KRT86: variants seen among roughly 807,000 people sequenced by gnomAD.
KRT86 encodes the protein keratin, type II cuticular Hb6.
A neutral mutation model predicts 41.2 loss-of-function variants in KRT86; 30 were observed. The ratio of observed to expected loss-of-function variants is 0.73; its 90% CI spans 0.54 to 0.99. The LOEUF is 0.99. KRT86 is among the 50% of genes least tolerant of loss of function. The pLI, the probability that KRT86 is intolerant of heterozygous loss-of-function variation, is 0.00. For synonymous variants in KRT86, 238 were observed against 238.1 expected, an observed-to-expected ratio of 1.00 and a Z score of 0.00; for missense variants, 561 against 571.4, an observed-to-expected ratio of 0.98 and a Z score of 0.19.
intron 2 of KRT86, among the ~76,000 whole-genome samples, chr12:52,276,611 T>C (rs1408589914): frequency 6.6e-6 from 1 of 152,166 alleles, no homozygotes. Flanking sequence ...TGCTGGTGAT[T>C]TCAGGAAATG....
At chr12:52,276,562 T>C (rs932164660) in intron 2 of KRT86, among the ~76,000 whole-genome samples, 3 of 145,984 alleles carry the variant, frequency 2.1e-5, no homozygotes, top group African/African-American at 7.4e-5. Context: ...GCTGAGTCAA[T>C]GTCGCCAGAG....
chr12:52,301,680 T>C (rs1938379298), intron 2 of KRT86: 1 of 279,696 alleles, frequency 3.6e-6, no homozygotes, highest in African/African-American at 2.3e-5. Context: ...GGGCAAGAGA[T>C]CATAACATCT....
chr12:52,306,163 A>T lies in KRT86; in HGVS notation c.1130A>T (p.Lys377Met), dbSNP rs771660500. The change falls in exon 9 of 11, where the codon AAG becomes ATG. Residue 377 changes from lysine to methionine, a missense_variant. This residue lies in a region of KRT86 where 397 missense variants were observed against 375.9 expected (regional missense o/e 1.06). Coordinates refer to ENST00000423955, the MANE Select transcript of KRT86 (RefSeq NM_001320198.2). ...KLAELEGALQ[K>M]AKQDMACLIR... is the part of the protein sequence containing the mutation. ...GCCGAGCTGGAGGGTGCCCTGCAGA[A>T]GGCCAAGCAGGACATGGCCTGCCTG... 1 of 1,613,936 alleles carries T rather than the reference A, an allele frequency of 6.2e-7. No homozygotes were observed. Among genetic ancestry groups the T allele is most frequent in the East Asian group, 2.2e-5 (1 of 44,868 alleles).
Position 52,302,205 on chromosome 12 carries a change from C to T in KRT86, c.289C>T (p.Pro97Ser), listed in dbSNP as rs1439288010. 2 of 1,242,944 alleles carry T rather than the reference C, an allele frequency of 1.6e-6. No homozygotes were observed. Among genetic ancestry groups the T allele is most frequent in the Admixed American group, 4.6e-5 (2 of 43,404 alleles). 77.0% of individuals were successfully genotyped at this position (1,242,944 alleles called of 1,614,324 possible). The change falls in exon 3 of 11, where the codon CCC becomes TCC. Residue 97 changes from proline (P) to serine (S), a missense_variant. Coordinates refer to ENST00000423955, the MANE Select transcript of KRT86 (RefSeq NM_001320198.2). ...CACGCCCCTCAACCTGGAGATCGACCCCAACGCGCAGTGCGTGAAGCAGGA... is the reference window on the plus strand; with the variant it reads ...CACGCCCCTCAACCTGGAGATCGACTCCAACGCGCAGTGCGTGAAGCAGGA... ...LLTPLNLEID[P>S]NAQCVKQEEK...
intron 2 of KRT86, chr12:52,288,006 G>A (rs1297541836): frequency 6.2e-7 from 1 of 1,614,198 alleles, no homozygotes; most frequent in East Asian, 2.2e-5. Context: ...CCAGGACTCG[G>A]CCTCGGCCCG....
Position 52,308,944 on chromosome 12 carries a change from C to T in KRT86, c.*359C>T. ...AGGCCCGGGAATGTCCCTGTCTGCA[C>T]GACCTGGGACTCTGCCCATGTGCTT... On this transcript the variant is annotated 3_prime_UTR_variant, in exon 11 of 11. Coordinates refer to ENST00000423955, the MANE Select transcript of KRT86 (RefSeq NM_001320198.2). 2 of 321,216 alleles carry T rather than the reference C, an allele frequency of 6.2e-6. No individual in the cohort carries two copies. The highest frequency in any genetic ancestry group is 1.2e-5 in the Non-Finnish European group (2 of 171,130). The allele number at this position is 321,216 out of a possible 1,614,324, so 19.9% of individuals were successfully genotyped here.
At chr12:52,281,097 G>A (rs1292642445) in intron 2 of KRT86, among the ~76,000 whole-genome samples, 1 of 152,204 alleles carries the variant, frequency 6.6e-6, no homozygotes, top group Non-Finnish European at 1.5e-5. Context: ...TTCCCTGAGA[G>A]GCTCCCCTGG....
chr12:52,287,452 A>T, intron 2 of KRT86: 1 of 1,570,882 alleles, frequency 6.4e-7, no homozygotes, highest in Non-Finnish European at 8.7e-7. Flanking sequence ...ATCACCTGGG[A>T]CTCATTGAGA....
At chr12:52,301,830 A>C in intron 2 of KRT86, 83 bp from the exon 3 acceptor site, 1 of 1,613,038 alleles carries the variant, frequency 6.2e-7, no homozygotes, top group Admixed American at 1.7e-5. Context: ...CAGAGGTGCA[A>C]GTAGTGAACG....
At chr12:52,307,651 G>A (rs1938546977) in intron 9 of KRT86, among the ~76,000 whole-genome samples, 1 of 152,340 alleles carries the variant, frequency 6.6e-6, no homozygotes, top group Non-Finnish European at 1.5e-5. Context: ...TGAGAGGACT[G>A]TGGTGGGCAG....
intron 7 of KRT86, 37 bp from the exon 8 acceptor site, chr12:52,305,626 C>A (rs377263753): frequency 3.7e-5 from 59 of 1,613,964 alleles, no homozygotes; most frequent in Middle Eastern, 3.3e-4. Context: ...GTGGGAGGTC[C>A]CACCCTGAAC....
At chr12:52,298,226 C>A (rs1311621756) in intron 2 of KRT86, among the ~76,000 whole-genome samples, 1 of 152,156 alleles carries the variant, frequency 6.6e-6, no homozygotes, top group Non-Finnish European at 1.5e-5. Flanking sequence ...GAAGGAGGGG[C>A]ATGTGTTTTG....
chr12:52,305,358 T>C lies in KRT86; in HGVS notation c.854T>C (p.Ile285Thr), dbSNP rs1310442958. The C allele has an allele frequency of 6.2e-7, 1 of 1,614,188 alleles. No homozygotes were observed. The highest frequency in any genetic ancestry group is 1.1e-5 in the South Asian group (1 of 91,082). ...IAEIKAQYDD[I>T]VTRSRAEAES... ...GAGATCAAGGCACAGTACGATGACA[T>C]TGTCACCCGTAGCCGGGCTGAGGCC... The change falls in exon 7 of 11, where the codon ATT (isoleucine) becomes ACT (threonine). Residue 285 changes from isoleucine (I) to threonine (T), a missense_variant. Physicochemically the swap from Ile to Thr is moderately conservative, Grantham distance 89. Transcript: ENST00000423955.
At chr12:52,288,212 C>A (rs897170212) in intron 2 of KRT86, 8 of 1,592,662 alleles carry the variant, frequency 5.0e-6, no homozygotes, top group Non-Finnish European at 6.9e-6. Flanking sequence ...GTCCTGACTC[C>A]ACCTCCTCAG....
At chr12:52,308,374 G>C in intron 10 of KRT86, 30 bp from the exon 11 acceptor site, 1 of 1,611,326 alleles carries the variant, frequency 6.2e-7, no homozygotes. Flanking sequence ...GGCTGCGCCT[G>C]ACGCGCGCCT....
chr12:52,282,913 G>A (rs961351070), intron 2 of KRT86, among the ~76,000 whole-genome samples: 2 of 152,116 alleles, frequency 1.3e-5, no homozygotes, highest in African/African-American at 4.8e-5. Context: ...TCACACACAC[G>A]TTTCCACACA....
intron 2 of KRT86, among the ~76,000 whole-genome samples, chr12:52,295,611 C>T (rs1257159377): frequency 6.6e-6 from 1 of 152,138 alleles, no homozygotes; most frequent in East Asian, 1.9e-4. Flanking sequence ...TTGTTCTTGG[C>T]AAGCTTCCAG....
chr12:52,280,993 C>T (rs947752283), intron 2 of KRT86, among the ~76,000 whole-genome samples: 10 of 152,134 alleles, frequency 6.6e-5, no homozygotes, highest in African/African-American at 9.7e-5. Flanking sequence ...TGATGTCAAT[C>T]CAGAAGATCC....
intron 9 of KRT86, among the ~76,000 whole-genome samples, chr12:52,307,461 C>G (rs112065800): frequency 6.6e-6 from 1 of 152,208 alleles, no homozygotes; most frequent in Non-Finnish European, 1.5e-5. Context: ...CTTCTCTTAT[C>G]TGAAGCTGAT....
Sources: gnomAD v4.1 joint callset for allele counts (sites outside exome capture counted in the v4.1 genomes callset) on GRCh38, gnomAD v4.1.1 for gene constraint, gnomAD v4.1.1 regional missense constraint, MANE v1.5 for transcripts, NCBI Gene and HGNC (gene_info 2026-07-23, HGNC 2026-07-21) for gene names.